Variants in FBLN7 observed in about 807,000 individuals in gnomAD.
FBLN7 encodes fibulin 7, also known as fibulin-7.
In FBLN7, 31 loss-of-function variants were observed where a neutral mutation model predicts 44.0. The observed-to-expected ratio is 0.70, with a 90% CI of 0.53 to 0.95. FBLN7 has a LOEUF of 0.95. Ranked by LOEUF, FBLN7 falls within the 40% of genes least tolerant of loss-of-function variation. The probability of loss-of-function intolerance (pLI) is 0.00; values close to 1 mark genes in which losing one functional copy is unlikely to be tolerated. For missense variants in FBLN7, 573 were observed against 618.5 expected, an observed-to-expected ratio of 0.93 and a Z score of 0.78; for synonymous variants, 262 against 253.4, an observed-to-expected ratio of 1.03 and a Z score of -0.32.
intron 1 of FBLN7, among the ~76,000 whole-genome samples, chr2:112,150,857 A>G (rs962255228): frequency 6.6e-6 from 1 of 152,222 alleles, no homozygotes; most frequent in Admixed American, 6.5e-5. Context: ...CCCCACTGCC[A>G]CTTAGCTCAC....
At chr2:112,163,018 A>G (rs1681956794) in intron 2 of FBLN7, among the ~76,000 whole-genome samples, 1 of 152,228 alleles carries the variant, frequency 6.6e-6, no homozygotes, top group South Asian at 2.1e-4. Context: ...TGCTACTCAC[A>G]AGGTTATTAC....
the FBLN7 span, among the ~76,000 whole-genome samples, chr2:112,195,217 G>T: frequency 6.6e-6 from 1 of 152,190 alleles, no homozygotes; most frequent in African/African-American, 2.4e-5. Context: ...TTCTGAATCT[G>T]ACCACGTTTA....
At chr2:112,171,021 C>A (rs1334768147) in intron 3 of FBLN7, among the ~76,000 whole-genome samples, 2 of 152,088 alleles carry the variant, frequency 1.3e-5, no homozygotes, top group Non-Finnish European at 2.9e-5. Flanking sequence ...GAAGACTGAG[C>A]GATGGATGTG....
chr2:112,217,080 A>T, the FBLN7 span, among the ~76,000 whole-genome samples: 1 of 152,204 alleles, frequency 6.6e-6, no homozygotes, highest in African/African-American at 2.4e-5. Flanking sequence ...CAGAAAAGCT[A>T]AAAACAGACC....
intron 6 of FBLN7, among the ~76,000 whole-genome samples, chr2:112,183,952 C>G (rs530960358): frequency 1.3e-5 from 2 of 152,308 alleles, no homozygotes; most frequent in African/African-American, 4.8e-5. Context: ...GGGTGCCTAA[C>G]AGGAAGCCTC....
the FBLN7 span, among the ~76,000 whole-genome samples, chr2:112,205,088 G>A: frequency 1.3e-5 from 2 of 152,060 alleles, no homozygotes; most frequent in Non-Finnish European, 2.9e-5. Context: ...GGTTTTCACT[G>A]TCTACTATAG....
the FBLN7 span, chr2:112,233,228 A>G: frequency 5.8e-6 from 8 of 1,383,740 alleles, no homozygotes; most frequent in African/African-American, 1.3e-4. Context: ...GTAAATATTT[A>G]TAAAGTCACC....
At chr2:112,197,274 C>CACACACAG in the FBLN7 span, among the ~76,000 whole-genome samples, 2,812 of 98,400 alleles carry the variant, frequency 0.029, 59 homozygotes, top group Non-Finnish European at 0.045. Context: ...CACACACACA[C>CACACACAG]AGAGAGAGAG....
the FBLN7 span, among the ~76,000 whole-genome samples, chr2:112,193,594 C>A: frequency 5.8e-4 from 88 of 152,140 alleles, no homozygotes; most frequent in East Asian, 0.012. Flanking sequence ...ATTTTTATTC[C>A]TTTTTTCTGA....
At chr2:112,202,472 G>A in the FBLN7 span, among the ~76,000 whole-genome samples, 1 of 151,426 alleles carries the variant, frequency 6.6e-6, no homozygotes, top group South Asian at 2.1e-4. Flanking sequence ...TTTTTTAAAA[G>A]GTATTGTGAT....
chr2:112,210,416 GA>G, the FBLN7 span, among the ~76,000 whole-genome samples: 1 of 152,086 alleles, frequency 6.6e-6, no homozygotes, highest in Non-Finnish European at 1.5e-5. Flanking sequence ...AGCACTTTGG[GA>G]GGCCAAGACA....
In FBLN7 at chr2:112,182,689, G is replaced by A. The variant is rs1369229192; in HGVS notation, c.671-102G>A. On this transcript the variant is annotated intron_variant, in intron 5 of 7. Coordinates refer to ENST00000331203, the MANE Select transcript of FBLN7 (RefSeq NM_153214.3). ...CCCGAGGCCCAGCCACTTAACTGCAGCTGCCACTGCCTCCAGGAATTGAAG... is the reference window on the plus strand; with the variant it reads ...CCCGAGGCCCAGCCACTTAACTGCAACTGCCACTGCCTCCAGGAATTGAAG... The A allele has an allele frequency of 2.8e-6, 4 of 1,436,240 alleles. No individual in the cohort carries two copies. The East Asian group carries it at 1.0e-4, about 36-fold the overall frequency. 89.0% of individuals were successfully genotyped at this position (1,436,240 alleles called of 1,614,324 possible).
intron 3 of FBLN7, among the ~76,000 whole-genome samples, chr2:112,175,203 C>T (rs567399829): frequency 3.3e-5 from 5 of 152,320 alleles, no homozygotes; most frequent in South Asian, 4.1e-4. Context: ...TTTCCCCAAC[C>T]CTGGACATTC....
chr2:112,237,952 A>G, the FBLN7 span, among the ~76,000 whole-genome samples: 1 of 152,224 alleles, frequency 6.6e-6, no homozygotes, highest in Non-Finnish European at 1.5e-5. Flanking sequence ...TTTCTGAGTT[A>G]CAGTCTGACA....
At chr2:112,231,732 G>A in the FBLN7 span, 1 of 550,122 alleles carries the variant, frequency 1.8e-6, no homozygotes, top group Non-Finnish European at 3.0e-6. Flanking sequence ...TATCCCATAT[G>A]CTAACCTAAG....
At chr2:112,180,147 C>CA (rs1446046686) in intron 4 of FBLN7, among the ~76,000 whole-genome samples, 1 of 151,960 alleles carries the variant, frequency 6.6e-6, no homozygotes, top group African/African-American at 2.4e-5. Context: ...AAGAGAAAAA[C>CA]AAACAACCCC....
At chr2:112,228,640 A>G in the FBLN7 span, among the ~76,000 whole-genome samples, 1,155 of 152,344 alleles carry the variant, frequency 7.6e-3, 6 homozygotes, top group Non-Finnish European at 0.012. Context: ...GAAAATTTTT[A>G]GAAGAAAACA....
the FBLN7 span, among the ~76,000 whole-genome samples, chr2:112,217,464 G>GAAC: frequency 4.6e-5 from 7 of 152,200 alleles, no homozygotes; most frequent in African/African-American, 1.4e-4. Flanking sequence ...CCACATCAAT[G>GAAC]AACTTTTTAT....
At chr2:112,149,074 G>T (rs1249287835) in intron 1 of FBLN7, among the ~76,000 whole-genome samples, 1 of 152,160 alleles carries the variant, frequency 6.6e-6, no homozygotes, top group East Asian at 1.9e-4. Flanking sequence ...GGTGGAATCA[G>T]GGCAGGGTGG....
Sources: gnomAD v4.1 joint callset for allele counts (sites outside exome capture counted in the v4.1 genomes callset) on GRCh38, gnomAD v4.1.1 for gene constraint, MANE v1.5 for transcripts, NCBI Gene and HGNC (gene_info 2026-07-23, HGNC 2026-07-21) for gene names.